Variants in HPSE2 observed in about 807,000 individuals in gnomAD.
HPSE2 encodes heparanase 2 (inactive), also known as inactive heparanase-2.
A neutral mutation model predicts 60.5 loss-of-function variants in HPSE2; 38 were observed. The observed-to-expected ratio is 0.63, with a 90% CI of 0.48 to 0.82. The LOEUF (loss-of-function observed/expected upper bound fraction) is 0.82, where lower values mean the gene tolerates loss of function less well. Ranked by LOEUF, HPSE2 falls within the 40% of genes least tolerant of loss-of-function variation. The probability of loss-of-function intolerance (pLI) is 0.00; values close to 1 mark genes in which losing one functional copy is unlikely to be tolerated. For synonymous variants in HPSE2, 295 were observed against 293.2 expected (o/e 1.01, Z -0.06); for missense variants, 713 against 740.4 (o/e 0.96, Z 0.43).
chr10:99,219,242 T>C (rs1342392940), intron 2 of HPSE2, among the ~76,000 whole-genome samples: 1 of 152,184 alleles, frequency 6.6e-6, no homozygotes, highest in Non-Finnish European at 1.5e-5. Flanking sequence ...TGCTCTCAAA[T>C]AGTGCTCCTA....
At position 98,931,877 on chromosome 10, in the gene HPSE2, T is replaced by C. The variant is rs1399906347; in HGVS notation, c.611-187821A>G. Among the ~76,000 whole-genome samples the C allele has an allele frequency of 1.4e-5, 2 of 143,850 alleles. 1 individual carries two copies. Among genetic ancestry groups the C allele is most frequent in the East Asian group, 3.9e-4 (2 of 5,084 alleles). 94.4% of individuals were successfully genotyped at this position (143,850 alleles called of 152,430 possible). ...TTAAGAACCTTTTGGGCTGAGATGA[T>C]GGGGTTTTCTAGATACAGGATCATG... is the stretch of plus-strand genomic sequence containing the variant. On this transcript the variant is annotated intron_variant, in intron 3 of 11. Coordinates refer to ENST00000370552, the MANE Select transcript of HPSE2 (RefSeq NM_021828.5).
intron 5 of HPSE2, among the ~76,000 whole-genome samples, chr10:98,705,343 C>T (rs571931166): frequency 1.4e-4 from 21 of 152,236 alleles, no homozygotes; most frequent in Middle Eastern, 3.4e-3. Context: ...TGGAAGATGG[C>T]GTGGCAATTC....
chr10:99,184,819 T>TATATATATATATATATAC (rs1554912295), intron 2 of HPSE2, among the ~76,000 whole-genome samples: 17 of 19,868 alleles, frequency 8.6e-4, no homozygotes, highest in African/African-American at 2.3e-3. Flanking sequence ...TATATATATA[T>TATATATATATATATATAC]AGAGAGAGAG....
At chr10:98,549,403 G>T (rs1461198370) in intron 9 of HPSE2, among the ~76,000 whole-genome samples, 1 of 151,874 alleles carries the variant, frequency 6.6e-6, no homozygotes, top group Non-Finnish European at 1.5e-5. Flanking sequence ...ATTCATTAAA[G>T]GTCCTCTTTC....
At chr10:98,671,225 TGG>T (rs1209084621) in intron 6 of HPSE2, among the ~76,000 whole-genome samples, 7 of 152,188 alleles carry the variant, frequency 4.6e-5, no homozygotes, top group Non-Finnish European at 1.0e-4. Context: ...TCCTGAGTTA[TGG>T]TCTCTCCTGC....
chr10:98,593,551 G>A (rs7923554), intron 9 of HPSE2, among the ~76,000 whole-genome samples: 9,217 of 152,186 alleles, frequency 0.061, 800 homozygotes, highest in African/African-American at 0.18. Context: ...GGAAGATTCA[G>A]AAGACTGCTG....
chr10:99,075,749 G>T (rs570297208), intron 3 of HPSE2, among the ~76,000 whole-genome samples: 2 of 151,946 alleles, frequency 1.3e-5, no homozygotes, highest in Non-Finnish European at 2.9e-5. Flanking sequence ...TATCTTCTTG[G>T]TGAATTTACT....
intron 7 of HPSE2, among the ~76,000 whole-genome samples, chr10:98,631,877 C>A (rs1259149800): frequency 6.6e-6 from 1 of 152,106 alleles, no homozygotes; most frequent in East Asian, 1.9e-4. Context: ...TTCATTCAAC[C>A]CTTACTTCAT....
chr10:98,634,923 T>C (rs566186404), intron 7 of HPSE2, among the ~76,000 whole-genome samples: 4 of 152,198 alleles, frequency 2.6e-5, no homozygotes, highest in Non-Finnish European at 5.9e-5. Context: ...TCAATGTCAC[T>C]TTCTCTGAGA....
At chr10:98,567,681 C>T (rs1326085599) in intron 9 of HPSE2, among the ~76,000 whole-genome samples, 3 of 152,078 alleles carry the variant, frequency 2.0e-5, no homozygotes, top group Non-Finnish European at 4.4e-5. Flanking sequence ...CCAGCTGATA[C>T]GGGAGAAAAG....
intron 3 of HPSE2, among the ~76,000 whole-genome samples, chr10:99,010,358 A>G (rs578184172): frequency 6.6e-6 from 1 of 152,348 alleles, no homozygotes; most frequent in African/African-American, 2.4e-5. Context: ...TAGAAGCAAT[A>G]ATAATGTTAA....
chr10:98,994,293 A>G (rs1956594565), intron 3 of HPSE2, among the ~76,000 whole-genome samples: 1 of 152,180 alleles, frequency 6.6e-6, no homozygotes, highest in South Asian at 2.1e-4. Flanking sequence ...ACAGCAGCCC[A>G]TAGGAGGGCA....
chr10:98,857,731 T>C (rs1952352069), intron 3 of HPSE2, among the ~76,000 whole-genome samples: 1 of 152,150 alleles, frequency 6.6e-6, no homozygotes, highest in Admixed American at 6.5e-5. Flanking sequence ...GTACTAATAA[T>C]GGAGGGACCC....
At chr10:98,641,644 C>T (rs925302230) in intron 7 of HPSE2, among the ~76,000 whole-genome samples, 1 of 151,892 alleles carries the variant, frequency 6.6e-6, no homozygotes, top group African/African-American at 2.4e-5. Flanking sequence ...ATGGCACACA[C>T]AGACCCTTTT....
intron 3 of HPSE2, among the ~76,000 whole-genome samples, chr10:98,821,824 G>C (rs1029896360): frequency 2.6e-5 from 4 of 151,580 alleles, no homozygotes; most frequent in Admixed American, 6.6e-5. Flanking sequence ...GAAAGGCTAA[G>C]AAAAACGACT....
intron 11 of HPSE2, among the ~76,000 whole-genome samples, chr10:98,473,896 G>A (rs1002362600): frequency 6.6e-6 from 1 of 152,072 alleles, no homozygotes; most frequent in South Asian, 2.1e-4. Context: ...GCTTTTTGTC[G>A]GGGATGTTAT....
At chr10:99,253,802 A>G in the HPSE2 span, among the ~76,000 whole-genome samples, 1 of 152,346 alleles carries the variant, frequency 6.6e-6, no homozygotes, top group South Asian at 2.1e-4. Context: ...GGAAAAAGAC[A>G]TGAACAGACA....
At chr10:98,667,916 G>A (rs1947409804) in intron 6 of HPSE2, among the ~76,000 whole-genome samples, 1 of 152,154 alleles carries the variant, frequency 6.6e-6, no homozygotes, top group Admixed American at 6.5e-5. Flanking sequence ...CATGGTATTG[G>A]AAGTCCCAGC....
At chr10:99,295,143 C>A in the HPSE2 span, among the ~76,000 whole-genome samples, 1 of 151,692 alleles carries the variant, frequency 6.6e-6, no homozygotes, top group Non-Finnish European at 1.5e-5. Flanking sequence ...ATAGCATTTA[C>A]TTTGTATCAG....
Sources: allele counts gnomAD v4.1 joint callset (sites outside exome capture counted in the v4.1 genomes callset), GRCh38; gene constraint gnomAD v4.1.1; transcripts MANE v1.5; gene names NCBI Gene and HGNC (gene_info 2026-07-23, HGNC 2026-07-21).